The following CHST3 variants were observed in gnomAD, a reference collection of about 807,000 sequenced individuals.
The protein encoded by CHST3 is C6ST-1.
In CHST3, 20 loss-of-function variants were observed where a neutral mutation model predicts 35.4. The observed-to-expected ratio is 0.57, with a 90% CI of 0.40 to 0.82. The LOEUF (loss-of-function observed/expected upper bound fraction) is 0.82, where lower values mean the gene tolerates loss of function less well. Ranked by LOEUF, CHST3 falls within the 40% of genes least tolerant of loss-of-function variation. CHST3 has a pLI of 0.00. For missense variants in CHST3, 693 were observed against 670.1 expected (o/e 1.03, Z -0.38); for synonymous variants, 334 against 295.9 (o/e 1.13, Z -1.32).
intron 1 of CHST3, among the ~76,000 whole-genome samples, chr10:71,994,452 G>A (rs868126901): frequency 2.6e-5 from 4 of 152,178 alleles, no homozygotes; most frequent in Non-Finnish European, 4.4e-5. Context: ...TAAGCAGTAG[G>A]TGTCAACAGT....
At chr10:71,999,179 A>G (rs1279508216) in intron 1 of CHST3, among the ~76,000 whole-genome samples, 2 of 152,194 alleles carry the variant, frequency 1.3e-5, no homozygotes, top group African/African-American at 2.4e-5. Flanking sequence ...GGGCTAAATG[A>G]TAAGAACAAA....
chr10:72,004,059 C>G (rs1033160007), intron 1 of CHST3, among the ~76,000 whole-genome samples: 2 of 152,040 alleles, frequency 1.3e-5, no homozygotes, highest in African/African-American at 2.4e-5. Flanking sequence ...GCCTATAATC[C>G]CAGCTACTCG....
chr10:71,984,371 C>T (rs1385747124), intron 1 of CHST3, among the ~76,000 whole-genome samples: 1 of 152,222 alleles, frequency 6.6e-6, no homozygotes, highest in Non-Finnish European at 1.5e-5. Flanking sequence ...CTGTGGAGCG[C>T]ACTTTCTCAG....
In CHST3 at chr10:71,964,676, T is replaced by A. The variant is rs1456755488; in HGVS notation, c.-126T>A. 1 of 151,542 alleles carries A rather than the reference T, an allele frequency of 6.6e-6. No homozygotes were observed. The highest frequency in any genetic ancestry group is 1.5e-5 in the Non-Finnish European group (1 of 67,828). The allele number at this position is 151,542 out of a possible 1,614,324, so 9.4% of individuals were successfully genotyped here. A position where few individuals can be genotyped will look rare whatever the true frequency, so the allele number is the denominator to read the frequency against. ...AGCCGCGGAGGGTCGGGGCCGCCGG[T>A]GGAGTCTCGGCGGCCGGGGTAAGTG... On this transcript the variant is annotated 5_prime_UTR_variant, in exon 1 of 3. Transcript: ENST00000373115.
intron 1 of CHST3, among the ~76,000 whole-genome samples, chr10:71,977,905 AAGG>A (rs1839762171): frequency 6.6e-6 from 1 of 152,120 alleles, no homozygotes; most frequent in Non-Finnish European, 1.5e-5. Context: ...TTTTTTAAAG[AAGG>A]TCTCCCACCA....
In CHST3 at chr10:72,007,646, C is replaced by T; in HGVS notation, c.615C>T (p.His205=). 6.2e-7 allele frequency: 1 copy of T among 1,609,878 alleles called. No homozygotes were observed. Among genetic ancestry groups the T allele is most frequent in the Non-Finnish European group, 8.5e-7 (1 of 1,179,486 alleles). ...TGTGCGACCTGTACGTGCTGGAGCA[C>T]TTCATCACGCCGCTGCCCGAGGACC... ...LFLCDLYVLE[H]FITPLPEDHL... is the part of the protein sequence containing the mutation. Residue 205 remains histidine, a synonymous_variant, in exon 3 of 3, where the codon CAC becomes CAT. Coordinates refer to ENST00000373115, the MANE Select transcript of CHST3 (RefSeq NM_004273.5).
At chr10:71,989,792 C>T (rs895876862) in intron 1 of CHST3, among the ~76,000 whole-genome samples, 2 of 152,162 alleles carry the variant, frequency 1.3e-5, no homozygotes, top group Non-Finnish European at 1.5e-5. Context: ...CAAAGATATC[C>T]AGCATTTGCA....
At position 72,008,411 on chromosome 10, in the gene CHST3, C is replaced by G. The variant is rs369055984; in HGVS notation, c.1380C>G (p.Ala460=). Residue 460 remains alanine (A), a synonymous_variant, in exon 3 of 3, where the codon GCC becomes GCG. Transcript: ENST00000373115. The stretch of plus-strand genomic sequence containing the variant: ...GCTACAAACTGGCGCGGGACGCCGC[C>G]GCCCTCACCAACCGCTCAGTCAGCC... ...LFGYKLARDA[A]ALTNRSVSLL... is the part of the protein sequence containing the mutation. The G allele has an allele frequency of 1.3e-6, 2 of 1,572,506 alleles. No individual in the cohort carries two copies. Among genetic ancestry groups the G allele is most frequent in the Non-Finnish European group, 1.7e-6 (2 of 1,159,918 alleles).
At chr10:71,999,505 C>T (rs1306993454) in intron 1 of CHST3, among the ~76,000 whole-genome samples, 2 of 152,246 alleles carry the variant, frequency 1.3e-5, no homozygotes, top group South Asian at 2.1e-4. Context: ...GCCGAGAGGC[C>T]GGGCCAGCAA....
intron 1 of CHST3, among the ~76,000 whole-genome samples, chr10:71,974,062 C>G (rs964246928): frequency 6.6e-6 from 1 of 152,224 alleles, no homozygotes; most frequent in African/African-American, 2.4e-5. Context: ...TGGTACCCCC[C>G]ACATGGGGAA....
chr10:71,981,123 G>A (rs1839797311), intron 1 of CHST3, among the ~76,000 whole-genome samples: 1 of 152,342 alleles, frequency 6.6e-6, no homozygotes, highest in East Asian at 1.9e-4. Context: ...AAGCGTGACT[G>A]CCCCATGGGG....
chr10:71,994,589 C>T (rs1406665573), intron 1 of CHST3, among the ~76,000 whole-genome samples: 2 of 152,210 alleles, frequency 1.3e-5, no homozygotes, highest in African/African-American at 2.4e-5. Flanking sequence ...TTAGAAGGGT[C>T]AACGAGCATT....
At chr10:71,985,613 G>A (rs551268379) in intron 1 of CHST3, among the ~76,000 whole-genome samples, 1 of 152,256 alleles carries the variant, frequency 6.6e-6, no homozygotes, top group East Asian at 1.9e-4. Flanking sequence ...CTTCCAACTT[G>A]CAAAGATCTC....
chr10:71,990,766 A>T (rs1018261513), intron 1 of CHST3, among the ~76,000 whole-genome samples: 2 of 152,212 alleles, frequency 1.3e-5, no homozygotes, highest in Non-Finnish European at 1.5e-5. Context: ...ATTCGATTAC[A>T]ACACAAAAAT....
chr10:71,970,158 C>T (rs564066045), intron 1 of CHST3, among the ~76,000 whole-genome samples: 5 of 152,222 alleles, frequency 3.3e-5, no homozygotes, highest in South Asian at 2.1e-4. Context: ...GCTGCTGGGC[C>T]GCCACCAGCT....
rs1030941079 is a variant in CHST3 at position 72,012,680 on chromosome 10, A to T, written c.*4209A>T. 6.6e-6 allele frequency: 1 copy of T among 152,350 alleles called. No individual in the cohort carries two copies. Among genetic ancestry groups the T allele is most frequent in the African/African-American group, 2.4e-5 (1 of 41,462 alleles). The allele number at this position is 152,350 out of a possible 1,614,324, so 9.4% of individuals were successfully genotyped here. ...TGCCTGCACAAGCCAAGTGTGTCTT[A>T]TTGATCTGTACAAGCTGATAGAAGG... On this transcript the variant is annotated 3_prime_UTR_variant, in exon 3 of 3. Coordinates refer to ENST00000373115, the MANE Select transcript of CHST3 (RefSeq NM_004273.5).
At chr10:71,982,204 C>G (rs1034646723) in intron 1 of CHST3, among the ~76,000 whole-genome samples, 9 of 152,082 alleles carry the variant, frequency 5.9e-5, no homozygotes, top group African/African-American at 2.2e-4. Flanking sequence ...TCACAAGTGT[C>G]CTTATAAGAG....
At chr10:71,991,035 A>G (rs190285681) in intron 1 of CHST3, among the ~76,000 whole-genome samples, 120 of 152,300 alleles carry the variant, frequency 7.9e-4, no homozygotes, top group African/African-American at 2.8e-3. Flanking sequence ...GGCTGCTTCC[A>G]TTGTGAACTA....
chr10:71,985,133 C>T (rs907817087), intron 1 of CHST3, among the ~76,000 whole-genome samples: 1 of 152,248 alleles, frequency 6.6e-6, no homozygotes, highest in African/African-American at 2.4e-5. Flanking sequence ...GCCTGTGCTG[C>T]GCAGCTGGCG....
Sources: gnomAD v4.1 joint callset for allele counts (sites outside exome capture counted in the v4.1 genomes callset) on GRCh38, gnomAD v4.1.1 for gene constraint, MANE v1.5 for transcripts, NCBI Gene and HGNC (gene_info 2026-07-23, HGNC 2026-07-21) for gene names.